FAM133B: variants seen among roughly 807,000 people sequenced by gnomAD.
FAM133B encodes the protein family with sequence similarity 133 member B.
Under a neutral mutation model 46.4 loss-of-function variants are expected in FAM133B, and 25 were observed. That is an observed-to-expected ratio of 0.54 (90% CI 0.39 to 0.75). The LOEUF (loss-of-function observed/expected upper bound fraction) is 0.75, where lower values mean the gene tolerates loss of function less well. Among genes scored for constraint, FAM133B ranks in the 30% least tolerant of loss-of-function variants. The pLI, the probability that FAM133B is intolerant of heterozygous loss-of-function variation, is 0.00. For synonymous variants in FAM133B, 75 were observed against 86.0 expected, an observed-to-expected ratio of 0.87 and a Z score of 0.71; for missense variants, 205 against 277.6, an observed-to-expected ratio of 0.74 and a Z score of 1.86.
At chr7:92,581,808 GTGTGT>G (rs1794884236) in intron 1 of FAM133B, 2 of 409,334 alleles carry the variant, frequency 4.9e-6, no homozygotes, top group African/African-American at 4.4e-5. Flanking sequence ...GTGTGTGTGT[GTGTGT>G]GTGTGTGTGT....
chr7:92,586,289 C>T (rs1321501852), intron 1 of FAM133B, among the ~76,000 whole-genome samples: 1 of 152,146 alleles, frequency 6.6e-6, no homozygotes, highest in African/African-American at 2.4e-5. Context: ...TTTTAAAGTG[C>T]ATCTTATGTT....
chr7:92,575,331 G>C (rs538116855), intron 8 of FAM133B, among the ~76,000 whole-genome samples: 216 of 152,182 alleles, frequency 1.4e-3, no homozygotes, highest in African/African-American at 5.0e-3. Context: ...AAAATCAGCT[G>C]GGCGTGGTGA....
chr7:92,579,561 CCAT>C (rs1794804116), intron 2 of FAM133B, among the ~76,000 whole-genome samples, 166 bp from the exon 3 acceptor site: 1 of 152,080 alleles, frequency 6.6e-6, no homozygotes, highest in Admixed American at 6.5e-5. Flanking sequence ...AAATAAATTA[CCAT>C]AATAAAGCTA....
At chr7:92,564,485 G>A (rs994901528) in intron 10 of FAM133B, among the ~76,000 whole-genome samples, 2 of 152,174 alleles carry the variant, frequency 1.3e-5, no homozygotes, top group African/African-American at 4.8e-5. Context: ...CCGAACCACA[G>A]ACCAAAGCTA....
At chr7:92,572,561 T>C (rs910633347) in intron 8 of FAM133B, among the ~76,000 whole-genome samples, 5 of 151,782 alleles carry the variant, frequency 3.3e-5, no homozygotes, top group African/African-American at 1.2e-4. Context: ...CTACTGAAAA[T>C]ACAAAAAAGT....
chr7:92,586,467 A>G lies in FAM133B; in HGVS notation c.24+3801T>C, dbSNP rs550980833. Among the ~76,000 whole-genome samples, 9 of 152,308 alleles carry G rather than the reference A, an allele frequency of 5.9e-5. No individual in the cohort carries two copies. In the East Asian group the frequency reaches 1.7e-3, roughly 29 times the overall value. On this transcript the variant is annotated intron_variant, in intron 1 of 10. Transcript: ENST00000445716. ...GTGAAAAATAATGCTTCTAACATTAAGTGGGTGGCATGGTTAAGCATTCAC... is the reference window on the plus strand; with the variant it reads ...GTGAAAAATAATGCTTCTAACATTAGGTGGGTGGCATGGTTAAGCATTCAC...
intron 8 of FAM133B, among the ~76,000 whole-genome samples, chr7:92,573,242 A>G (rs1185279074): frequency 2.0e-5 from 3 of 147,116 alleles, no homozygotes; most frequent in Non-Finnish European, 4.5e-5. Flanking sequence ...ATCATAACTC[A>G]CTGTAACCTC....
chr7:92,587,708 T>G (rs1436721619), intron 1 of FAM133B, among the ~76,000 whole-genome samples: 3 of 152,164 alleles, frequency 2.0e-5, no homozygotes, highest in Admixed American at 6.6e-5. Context: ...CACTCCAGCT[T>G]GGGCAAGAGT....
chr7:92,567,565 G>C (rs1263336045), intron 9 of FAM133B, among the ~76,000 whole-genome samples: 1 of 152,040 alleles, frequency 6.6e-6, no homozygotes, highest in Non-Finnish European at 1.5e-5. Context: ...TCTTTACCGA[G>C]CACCTAGGAA....
intron 8 of FAM133B, among the ~76,000 whole-genome samples, chr7:92,572,725 C>CA (rs1399623967): frequency 6.6e-6 from 1 of 151,046 alleles, no homozygotes; most frequent in African/African-American, 2.4e-5. Flanking sequence ...TCTCGGAAAA[C>CA]AAAAAAACAA....
chr7:92,568,974 G>A (rs1014462607), intron 9 of FAM133B, among the ~76,000 whole-genome samples: 1 of 152,128 alleles, frequency 6.6e-6, no homozygotes, highest in African/African-American at 2.4e-5. Flanking sequence ...AAGGAGAGAG[G>A]CACAAACAAA....
rs532548742 is a variant in FAM133B at position 92,580,322 on chromosome 7, T to C, written c.123-927A>G. Among the ~76,000 whole-genome samples, 4 of 152,062 alleles carry C rather than the reference T, an allele frequency of 2.6e-5. No individual in the cohort carries two copies. In the East Asian group the frequency reaches 5.8e-4, roughly 22 times the overall value. Reference sequence around the variant, plus strand: ...GTTGCCCAGGCTGATCTCAAACTCCTGGCCTCAAGCAATCCTCCTGCCTCG... The same window carrying C: ...GTTGCCCAGGCTGATCTCAAACTCCCGGCCTCAAGCAATCCTCCTGCCTCG... On this transcript the variant is annotated intron_variant, in intron 2 of 10. Transcript: ENST00000445716.
rs994030156 is a variant in FAM133B, at chr7:92,565,895, C to G, written c.657+119G>C. On this transcript the variant is annotated intron_variant, in intron 10 of 10. Coordinates refer to ENST00000445716, the MANE Select transcript of FAM133B (RefSeq NM_152789.4). ...AAGTGAAGCTGCTGAACACACCACA[C>G]CTTTCCCAACAAATACTTATTTGGT... 3.7e-6 allele frequency: 4 copies of G among 1,080,292 alleles called. No homozygotes were observed. The Admixed American group carries it at 8.3e-5, about 22-fold the overall frequency. 66.9% of individuals were successfully genotyped at this position (1,080,292 alleles called of 1,614,324 possible).
At chr7:92,571,183 T>C (rs1301628821) in intron 8 of FAM133B, among the ~76,000 whole-genome samples, 1 of 152,208 alleles carries the variant, frequency 6.6e-6, no homozygotes, top group Non-Finnish European at 1.5e-5. Context: ...TTCACACAAA[T>C]GATCATCTTT....
At chr7:92,563,970 C>T (rs946197951) in intron 10 of FAM133B, among the ~76,000 whole-genome samples, 2 of 152,184 alleles carry the variant, frequency 1.3e-5, no homozygotes, top group African/African-American at 4.8e-5. Flanking sequence ...AAAGGATTTA[C>T]AAAATGTAAA....
chr7:92,581,261 A>G (rs537930951), intron 2 of FAM133B, among the ~76,000 whole-genome samples: 1 of 152,364 alleles, frequency 6.6e-6, no homozygotes, highest in South Asian at 2.1e-4. Flanking sequence ...TGGAATAGAG[A>G]AGAGACTGGT....
chr7:92,568,055 A>G (rs1011081145), intron 9 of FAM133B, among the ~76,000 whole-genome samples: 4 of 151,676 alleles, frequency 2.6e-5, no homozygotes, highest in African/African-American at 9.7e-5. Flanking sequence ...GAACCACCAC[A>G]CCTGGCCCAG....
intron 8 of FAM133B, among the ~76,000 whole-genome samples, chr7:92,575,399 GGA>G (rs1491554400): frequency 4.6e-5 from 7 of 152,162 alleles, no homozygotes; most frequent in Non-Finnish European, 1.0e-4. Context: ...CTTGAACCCA[GGA>G]GATAGAGGTT....
At chr7:92,581,657 C>A (rs1794875800) in intron 1 of FAM133B, 54 bp from the exon 2 acceptor site, 1 of 1,374,500 alleles carries the variant, frequency 7.3e-7, no homozygotes, top group African/African-American at 1.4e-5. Flanking sequence ...ACATGCAAAA[C>A]CTCACTTACT....
Sources: gnomAD v4.1 joint callset for allele counts (sites outside exome capture counted in the v4.1 genomes callset) on GRCh38, gnomAD v4.1.1 for gene constraint, MANE v1.5 for transcripts, NCBI Gene and HGNC (gene_info 2026-07-23, HGNC 2026-07-21) for gene names.